LUZP2: variants seen among roughly 807,000 people sequenced by gnomAD.
LUZP2 encodes the protein leucine zipper protein 2.
In LUZP2, 52 loss-of-function variants were observed where a neutral mutation model predicts 51.6. That is an observed-to-expected ratio of 1.01 (90% CI 0.81 to 1.27). The LOEUF (loss-of-function observed/expected upper bound fraction) is 1.27. LUZP2 is among the 50% of genes most tolerant of loss of function. The probability of loss-of-function intolerance (pLI) is 0.00; values close to 1 mark genes in which losing one functional copy is unlikely to be tolerated. For missense variants in LUZP2, 436 were observed against 395.4 expected (o/e 1.10, Z -0.87); for synonymous variants, 154 against 137.3 (o/e 1.12, Z -0.85).
At position 24,922,762 on chromosome 11, in the gene LUZP2, A is replaced by G. The variant is rs561588222; in HGVS notation, c.522+8224A>G. On this transcript the variant is annotated intron_variant, in intron 7 of 11. Coordinates refer to ENST00000336930, the MANE Select transcript of LUZP2 (RefSeq NM_001009909.4). ...TTGTTATCTTATGGATTAGAAAACC[A>G]AGACCCAGAGAAGTTATAAGAGTTT... Among the ~76,000 whole-genome samples the G allele has an allele frequency of 7.4e-5, 11 of 147,910 alleles. 1 individual carries two copies. In the South Asian group the frequency reaches 9.1e-4, roughly 12 times the overall value.
At chr11:24,979,011 C>T (rs560900341) in intron 8 of LUZP2, among the ~76,000 whole-genome samples, 1 of 151,834 alleles carries the variant, frequency 6.6e-6, no homozygotes, top group East Asian at 1.9e-4. Flanking sequence ...TACTTATGTT[C>T]AAATCATGAC....
At chr11:24,674,834 T>C (rs1856496172) in intron 1 of LUZP2, among the ~76,000 whole-genome samples, 1 of 152,238 alleles carries the variant, frequency 6.6e-6, no homozygotes, top group African/African-American at 2.4e-5. Flanking sequence ...CATTTCCTCT[T>C]ATGCCTTTTC....
chr11:24,878,107 T>TG (rs1852334203), intron 5 of LUZP2, among the ~76,000 whole-genome samples: 1 of 150,618 alleles, frequency 6.6e-6, no homozygotes, highest in African/African-American at 2.4e-5. Context: ...TGTGTTTTTT[T>TG]TTTTTTTTTT....
chr11:24,654,382 CA>C lies in LUZP2; in HGVS notation c.63-74784del, dbSNP rs570624672. 4.6e-3 allele frequency among the ~76,000 whole-genome samples: 698 copies of C among 152,074 alleles called. 2 individuals carry two copies. Among genetic ancestry groups the C allele is most frequent in the Non-Finnish European group, 7.1e-3 (486 of 67,994 alleles). On this transcript the variant is annotated intron_variant, in intron 1 of 11. Coordinates refer to ENST00000336930, the MANE Select transcript of LUZP2 (RefSeq NM_001009909.4). ...AGAAGTGATGATTTAACTTATTAAA[CA>C]AATTTTTTTTTCTTTTTTCTTTTGT... is the stretch of plus-strand genomic sequence containing the variant.
intron 1 of LUZP2, among the ~76,000 whole-genome samples, chr11:24,530,246 G>T (rs1338858361): frequency 3.3e-5 from 5 of 150,732 alleles, no homozygotes; most frequent in Non-Finnish European, 7.4e-5. Flanking sequence ...TTAATTTGGG[G>T]ATTCAGGGAA....
intron 1 of LUZP2, among the ~76,000 whole-genome samples, chr11:24,714,944 A>T (rs1273973720): frequency 6.6e-6 from 1 of 152,030 alleles, no homozygotes; most frequent in African/African-American, 2.4e-5. Context: ...GAGTCTACAG[A>T]CCCCTCTGCA....
intron 9 of LUZP2, among the ~76,000 whole-genome samples, chr11:25,000,753 TC>T (rs1258406208): frequency 6.6e-6 from 1 of 152,172 alleles, no homozygotes; most frequent in Non-Finnish European, 1.5e-5. Context: ...GCAGCAGTCT[TC>T]CCCTAAGAAG....
intron 1 of LUZP2, among the ~76,000 whole-genome samples, chr11:24,552,037 C>T (rs1416585547): frequency 1.3e-5 from 2 of 151,958 alleles, no homozygotes; most frequent in Admixed American, 1.3e-4. Context: ...ATATAAGCCC[C>T]TCCAGAGAAC....
At chr11:24,924,618 G>A (rs2133821750) in intron 7 of LUZP2, among the ~76,000 whole-genome samples, 1 of 152,146 alleles carries the variant, frequency 6.6e-6, no homozygotes, top group East Asian at 1.9e-4. Flanking sequence ...AAGGTTAAGG[G>A]CATACCTGTG....
chr11:24,924,078 CT>C (rs895235542), intron 7 of LUZP2, among the ~76,000 whole-genome samples: 15 of 147,736 alleles, frequency 1.0e-4, no homozygotes, highest in Admixed American at 4.1e-4. Flanking sequence ...CACTCCCCGG[CT>C]TTTTTTTTTC....
At chr11:25,023,784 G>T (rs549908656) in intron 9 of LUZP2, among the ~76,000 whole-genome samples, 2 of 152,006 alleles carry the variant, frequency 1.3e-5, no homozygotes, top group African/African-American at 4.8e-5. Context: ...GCTATACATT[G>T]CCCTCTACAC....
intron 5 of LUZP2, among the ~76,000 whole-genome samples, chr11:24,885,907 G>C (rs768208154): frequency 3.3e-5 from 5 of 152,100 alleles, no homozygotes; most frequent in Non-Finnish European, 5.9e-5. Flanking sequence ...TTCCCTATCT[G>C]AGATAACTTC....
chr11:24,766,625 T>C (rs1860200355), intron 5 of LUZP2, among the ~76,000 whole-genome samples: 1 of 152,218 alleles, frequency 6.6e-6, no homozygotes, highest in Non-Finnish European at 1.5e-5. Context: ...ATTTTGATGA[T>C]AGTGTGCTTT....
At chr11:24,998,416 C>G in intron 9 of LUZP2, among the ~76,000 whole-genome samples, 1 of 152,154 alleles carries the variant, frequency 6.6e-6, no homozygotes, top group African/African-American at 2.4e-5. Flanking sequence ...ATTTGGCTCT[C>G]TGTTTGTCTG....
intron 1 of LUZP2, among the ~76,000 whole-genome samples, chr11:24,653,177 A>G (rs1855685710): frequency 6.6e-6 from 1 of 152,136 alleles, no homozygotes; most frequent in Non-Finnish European, 1.5e-5. Context: ...CTAGAGCAAT[A>G]TGACAGGCAA....
chr11:24,902,969 A>G (rs914858010), intron 5 of LUZP2, among the ~76,000 whole-genome samples: 1 of 152,198 alleles, frequency 6.6e-6, no homozygotes, highest in Non-Finnish European at 1.5e-5. Flanking sequence ...TAAATAGTAT[A>G]TACTACAGAC....
chr11:24,872,148 T>TC (rs1284823481), intron 5 of LUZP2, among the ~76,000 whole-genome samples: 5 of 152,144 alleles, frequency 3.3e-5, no homozygotes, highest in African/African-American at 1.2e-4. Flanking sequence ...TCTCAATATC[T>TC]CTCTACATTG....
In LUZP2 at chr11:25,047,395, T is replaced by A. The variant is rs866585184; in HGVS notation, c.766-2643T>A. Among the ~76,000 whole-genome samples, 8 of 12,548 alleles carry A rather than the reference T, an allele frequency of 6.4e-4. No individual in the cohort carries two copies. In the East Asian group the frequency reaches 9.3e-3, roughly 15 times the overall value. The allele number at this position is 12,548 out of a possible 152,430, so 8.2% of individuals were successfully genotyped here. ...TTTTTTTATTTTTTTTAATTTTTTT[T>A]AATTTTTTTTTTATTATACTCTAAG... On this transcript the variant is annotated intron_variant, in intron 9 of 11. Transcript: ENST00000336930.
intron 7 of LUZP2, among the ~76,000 whole-genome samples, chr11:24,957,739 A>T (rs1372028446): frequency 6.6e-6 from 1 of 152,078 alleles, no homozygotes; most frequent in East Asian, 1.9e-4. Context: ...TTTGATGGTG[A>T]ACACAGGTTG....
Sources: gnomAD v4.1 joint callset for allele counts (sites outside exome capture counted in the v4.1 genomes callset) on GRCh38, gnomAD v4.1.1 for gene constraint, MANE v1.5 for transcripts, NCBI Gene and HGNC (gene_info 2026-07-23, HGNC 2026-07-21) for gene names.